RAD51B: variants seen among roughly 807,000 people sequenced by gnomAD.
RAD51B encodes RAD51 paralog B.
In RAD51B, 38 loss-of-function variants were observed where a neutral mutation model predicts 42.2. The observed-to-expected ratio is 0.90, with a 90% CI of 0.70 to 1.18. The LOEUF (loss-of-function observed/expected upper bound fraction) is 1.18. Ranked by LOEUF, RAD51B falls within the 50% of genes most tolerant of loss-of-function variation. The probability of loss-of-function intolerance (pLI) is 0.00; values close to 1 mark genes in which losing one functional copy is unlikely to be tolerated. For synonymous variants in RAD51B, 154 were observed against 145.2 expected, an observed-to-expected ratio of 1.06 and a Z score of -0.43; for missense variants, 373 against 400.7, an observed-to-expected ratio of 0.93 and a Z score of 0.59.
At chr14:67,986,193 A>G (rs1307490536) in intron 7 of RAD51B, among the ~76,000 whole-genome samples, 1 of 152,244 alleles carries the variant, frequency 6.6e-6, no homozygotes, top group South Asian at 2.1e-4. Flanking sequence ...CCACACTTCT[A>G]TGCACGTATG....
At chr14:68,409,871 T>A (rs959306575) in intron 8 of RAD51B, among the ~76,000 whole-genome samples, 1 of 152,266 alleles carries the variant, frequency 6.6e-6, no homozygotes, top group Admixed American at 6.5e-5. Context: ...ATATTTTGAA[T>A]TGTGTGCATA....
chr14:68,549,798 A>T (rs1382102487), intron 10 of RAD51B, among the ~76,000 whole-genome samples: 4 of 152,206 alleles, frequency 2.6e-5, no homozygotes, highest in Non-Finnish European at 5.9e-5. Context: ...TCATGTGGGA[A>T]GCTACAGCGG....
At chr14:68,324,599 T>C (rs987680428) in intron 8 of RAD51B, among the ~76,000 whole-genome samples, 1 of 152,210 alleles carries the variant, frequency 6.6e-6, no homozygotes, top group African/African-American at 2.4e-5. Flanking sequence ...GTTATGTAAA[T>C]AATATACTTA....
intron 8 of RAD51B, among the ~76,000 whole-genome samples, chr14:68,347,632 A>G (rs2082701301): frequency 6.6e-6 from 1 of 152,224 alleles, no homozygotes; most frequent in Admixed American, 6.5e-5. Flanking sequence ...TGATTGTGCC[A>G]CTGCACGCCA....
intron 7 of RAD51B, among the ~76,000 whole-genome samples, chr14:68,272,635 T>TTATATATATATATTTA (rs1195340238): frequency 2.0e-4 from 4 of 19,850 alleles, no homozygotes; most frequent in African/African-American, 6.2e-4. Context: ...TATAAACACT[T>TTATATATATATATTTA]TATATATATA....
chr14:67,969,439 CTT>C (rs1276199694), intron 7 of RAD51B, among the ~76,000 whole-genome samples: 1 of 152,160 alleles, frequency 6.6e-6, no homozygotes, highest in Non-Finnish European at 1.5e-5. Context: ...AACCAGGACT[CTT>C]TGTTTATATA....
At chr14:68,272,277 A>G (rs1237554495) in intron 7 of RAD51B, among the ~76,000 whole-genome samples, 2 of 152,010 alleles carry the variant, frequency 1.3e-5, no homozygotes, top group African/African-American at 4.8e-5. Flanking sequence ...ATAGTAAAAG[A>G]CAAGAGATGC....
chr14:67,909,966 T>C (rs1048549989), intron 7 of RAD51B, among the ~76,000 whole-genome samples: 13 of 152,226 alleles, frequency 8.5e-5, no homozygotes, highest in Admixed American at 7.2e-4. Context: ...AAAAAATACT[T>C]TTTATAAATA....
chr14:68,183,987 G>A (rs893051669), intron 7 of RAD51B, among the ~76,000 whole-genome samples: 6 of 151,498 alleles, frequency 4.0e-5, no homozygotes, highest in South Asian at 2.1e-4. Flanking sequence ...AGCTACTCGG[G>A]GGGGGTGAGG....
chr14:68,285,968 A>G (rs1277516330), intron 7 of RAD51B, among the ~76,000 whole-genome samples: 1 of 152,210 alleles, frequency 6.6e-6, no homozygotes, highest in Admixed American at 6.5e-5. Context: ...GATTTATGGT[A>G]TTTATTAGCA....
chr14:68,595,373 C>G (rs936494280), exon 11 of RAD51B: 4 of 1,066,312 alleles, frequency 3.8e-6, no homozygotes, highest in African/African-American at 3.3e-5. Flanking sequence ...TCAAGGGAGC[C>G]TGTTTTGTCT....
At chr14:67,836,518 C>A (rs1354768287) in intron 4 of RAD51B, among the ~76,000 whole-genome samples, 1 of 147,064 alleles carries the variant, frequency 6.8e-6, no homozygotes, top group East Asian at 2.0e-4. Flanking sequence ...CAGAGTCTTG[C>A]TCTGTTGCCC....
chr14:68,454,396 C>T (rs1163611822), intron 9 of RAD51B, among the ~76,000 whole-genome samples: 1 of 149,816 alleles, frequency 6.7e-6, no homozygotes, highest in South Asian at 2.1e-4. Context: ...TAAATAAAGG[C>T]TCACAACAGT....
chr14:68,563,287 G>A, intron 10 of RAD51B: 1 of 985,436 alleles, frequency 1.0e-6, no homozygotes, highest in Non-Finnish European at 1.2e-6. Flanking sequence ...GCCAAGCCGA[G>A]CCTGCAATGG....
chr14:68,036,999 A>T lies in RAD51B; in HGVS notation c.756+149795A>T, dbSNP rs527665309. Reference sequence around the variant, plus strand: ...TAGTATCCATAATTGCTGATTGGGAATTTTTAACACAAGACAGGAATTGTT... The same window carrying T: ...TAGTATCCATAATTGCTGATTGGGATTTTTTAACACAAGACAGGAATTGTT... On this transcript the variant is annotated intron_variant, in intron 7 of 10. Transcript: ENST00000471583. Among the ~76,000 whole-genome samples the T allele has an allele frequency of 1.3e-4, 19 of 149,078 alleles. No homozygotes were observed. The East Asian group carries it at 3.8e-3, about 30-fold the overall frequency.
intron 8 of RAD51B, among the ~76,000 whole-genome samples, chr14:68,348,742 C>CA (rs1462052102): frequency 1.3e-5 from 2 of 152,054 alleles, no homozygotes; most frequent in Admixed American, 1.3e-4. Flanking sequence ...TACTAAAATA[C>CA]AAAAAAATTA....
chr14:67,930,427 A>G (rs567192244), intron 7 of RAD51B, among the ~76,000 whole-genome samples: 71 of 151,956 alleles, frequency 4.7e-4, no homozygotes, highest in Non-Finnish European at 8.8e-4. Context: ...CTTAGAAAAG[A>G]CTTTATTTCT....
chr14:68,501,966 C>T (rs1037868732), intron 10 of RAD51B, among the ~76,000 whole-genome samples: 8 of 152,238 alleles, frequency 5.3e-5, no homozygotes, highest in African/African-American at 1.7e-4. Flanking sequence ...TCACACAGTC[C>T]TCTGCCCTGC....
intron 7 of RAD51B, among the ~76,000 whole-genome samples, chr14:68,016,691 T>C (rs540883969): frequency 6.6e-6 from 1 of 152,306 alleles, no homozygotes; most frequent in East Asian, 1.9e-4. Flanking sequence ...CTGTGTAACT[T>C]TTGCTAGTAA....
Sources: gnomAD v4.1 joint callset for allele counts (sites outside exome capture counted in the v4.1 genomes callset) on GRCh38, gnomAD v4.1.1 for gene constraint, MANE v1.5 for transcripts, NCBI Gene and HGNC (gene_info 2026-07-23, HGNC 2026-07-21) for gene names.